GALNT13: variants seen among roughly 807,000 people sequenced by gnomAD.
GALNT13 encodes the protein UDP-GalNAc:polypeptide N-acetylgalactosaminyltransferase 13.
GALNT13 carries 28 observed loss-of-function variants against 64.2 expected under a neutral mutation model. The observed-to-expected ratio is 0.44, with a 90% CI of 0.32 to 0.60. GALNT13 has a LOEUF of 0.60. GALNT13 is among the 20% of genes least tolerant of loss of function. The pLI is 0.05. For missense variants in GALNT13, 577 were observed against 669.8 expected (o/e 0.86, Z 1.53); for synonymous variants, 214 against 224.6 (o/e 0.95, Z 0.42).
At chr2:153,181,958 T>C in the GALNT13 span, among the ~76,000 whole-genome samples, 1 of 150,186 alleles carries the variant, frequency 6.7e-6, no homozygotes, top group Non-Finnish European at 1.5e-5. Flanking sequence ...ATTTAGTATA[T>C]TAATATCCTT....
the GALNT13 span, among the ~76,000 whole-genome samples, chr2:153,246,287 A>C: frequency 6.6e-6 from 1 of 152,174 alleles, no homozygotes; most frequent in Admixed American, 6.5e-5. Context: ...CAAATTCAGA[A>C]AATACAGAGA....
chr2:153,604,482 G>T, the GALNT13 span, among the ~76,000 whole-genome samples: 1 of 151,894 alleles, frequency 6.6e-6, no homozygotes, highest in Non-Finnish European at 1.5e-5. Context: ...TCAGTTATTT[G>T]GCTTTTGACC....
intron 10 of GALNT13, among the ~76,000 whole-genome samples, chr2:154,403,315 T>C (rs760593624): frequency 2.0e-5 from 3 of 152,022 alleles, no homozygotes; most frequent in Non-Finnish European, 4.4e-5. Flanking sequence ...TAGGCAGTTG[T>C]GATGGAATTC....
At chr2:154,079,367 A>G (rs1465855040) in intron 3 of GALNT13, among the ~76,000 whole-genome samples, 1 of 151,692 alleles carries the variant, frequency 6.6e-6, no homozygotes, top group African/African-American at 2.4e-5. Context: ...TTCAATCTAG[A>G]CAGGATATAT....
chr2:153,955,985 C>A (rs1692538632), intron 3 of GALNT13, among the ~76,000 whole-genome samples: 1 of 152,160 alleles, frequency 6.6e-6, no homozygotes, highest in African/African-American at 2.4e-5. Flanking sequence ...CTTCAGCACA[C>A]CCTGGCAAAA....
At chr2:153,991,807 T>C (rs899443350) in intron 3 of GALNT13, among the ~76,000 whole-genome samples, 14 of 152,304 alleles carry the variant, frequency 9.2e-5, no homozygotes, top group Non-Finnish European at 1.6e-4. Context: ...CATCTATTTA[T>C]ACTTACTTAA....
chr2:154,100,326 G>A (rs1438079241), intron 3 of GALNT13, among the ~76,000 whole-genome samples: 2 of 151,954 alleles, frequency 1.3e-5, no homozygotes, highest in African/African-American at 4.8e-5. Flanking sequence ...ATTGATTCTT[G>A]AAATCTTTGA....
the GALNT13 span, chr2:153,478,588 G>T: frequency 5.3e-6 from 8 of 1,523,640 alleles, no homozygotes; most frequent in African/African-American, 8.3e-5. Flanking sequence ...CGGGCGCCGC[G>T]AGCGGCGCGG....
At chr2:153,382,801 C>T in the GALNT13 span, among the ~76,000 whole-genome samples, 1 of 151,904 alleles carries the variant, frequency 6.6e-6, no homozygotes, top group Admixed American at 6.6e-5. Context: ...TTTTTTCTTA[C>T]TCTATGACAA....
chr2:153,199,121 T>G, the GALNT13 span, among the ~76,000 whole-genome samples: 2 of 152,222 alleles, frequency 1.3e-5, no homozygotes, highest in Non-Finnish European at 2.9e-5. Context: ...TGTGGGATCA[T>G]CCCAGGTTTC....
chr2:153,493,008 T>C, the GALNT13 span, among the ~76,000 whole-genome samples: 1 of 151,924 alleles, frequency 6.6e-6, no homozygotes, highest in Non-Finnish European at 1.5e-5. Flanking sequence ...AAACAATATA[T>C]TAAAATGTGT....
At chr2:153,717,025 C>A in the GALNT13 span, among the ~76,000 whole-genome samples, 1 of 152,116 alleles carries the variant, frequency 6.6e-6, no homozygotes, top group Non-Finnish European at 1.5e-5. Context: ...ACCCTTCTCA[C>A]TTCATCTATA....
chr2:153,972,174 G>C (rs1247038796), intron 3 of GALNT13, among the ~76,000 whole-genome samples: 2 of 152,062 alleles, frequency 1.3e-5, no homozygotes, highest in African/African-American at 2.4e-5. Flanking sequence ...AACTGTGTGA[G>C]AGAATATGTT....
chr2:153,468,475 CTTT>C, the GALNT13 span, among the ~76,000 whole-genome samples: 1 of 152,168 alleles, frequency 6.6e-6, no homozygotes, highest in East Asian at 1.9e-4. Context: ...TACGAATTTA[CTTT>C]AATTTGGAAG....
the GALNT13 span, among the ~76,000 whole-genome samples, chr2:153,285,266 G>T: frequency 1.3e-5 from 2 of 152,106 alleles, no homozygotes; most frequent in African/African-American, 4.8e-5. Context: ...CCTCTACCTG[G>T]TCCCACCCTT....
chr2:153,694,510 A>G, the GALNT13 span, among the ~76,000 whole-genome samples: 1 of 152,204 alleles, frequency 6.6e-6, no homozygotes, highest in Non-Finnish European at 1.5e-5. Context: ...CAGGCACAAA[A>G]CAGGACATAT....
At chr2:153,940,101 G>T (rs185495418) in intron 2 of GALNT13, among the ~76,000 whole-genome samples, 1 of 151,508 alleles carries the variant, frequency 6.6e-6, no homozygotes, top group African/African-American at 2.4e-5. Flanking sequence ...TTTGTTTATT[G>T]CTTCTCTTCT....
intron 1 of GALNT13, among the ~76,000 whole-genome samples, chr2:153,900,032 T>A (rs1289904106): frequency 6.7e-6 from 1 of 149,400 alleles, no homozygotes. Flanking sequence ...GCCTCCTGGG[T>A]TCAAGTGATG....
chr2:153,307,071 CT>C, the GALNT13 span, among the ~76,000 whole-genome samples: 5 of 152,176 alleles, frequency 3.3e-5, no homozygotes, highest in Non-Finnish European at 2.9e-5. Context: ...TAGAAAGGTA[CT>C]TTTTTTCTAT....
Sources: gnomAD v4.1 joint callset for allele counts (sites outside exome capture counted in the v4.1 genomes callset) on GRCh38, gnomAD v4.1.1 for gene constraint, MANE v1.5 for transcripts, NCBI Gene and HGNC (gene_info 2026-07-23, HGNC 2026-07-21) for gene names.